Variants in SNTG1 observed in about 807,000 individuals in gnomAD.
The protein encoded by SNTG1 is gamma-1-syntrophin.
Under a neutral mutation model 74.7 loss-of-function variants are expected in SNTG1, and 39 were observed. That is an observed-to-expected ratio of 0.52 (90% CI 0.40 to 0.68). The LOEUF (loss-of-function observed/expected upper bound fraction) is 0.68. Among genes scored for constraint, SNTG1 ranks in the 30% least tolerant of loss-of-function variants. The pLI, the probability that SNTG1 is intolerant of heterozygous loss-of-function variation, is 0.00. For missense variants in SNTG1, 685 were observed against 609.5 expected, an observed-to-expected ratio of 1.12 and a Z score of -1.30; for synonymous variants, 254 against 217.1, an observed-to-expected ratio of 1.17 and a Z score of -1.49.
At chr8:50,570,135 T>G (rs139046314) in intron 12 of SNTG1, among the ~76,000 whole-genome samples, 10 of 152,026 alleles carry the variant, frequency 6.6e-5, no homozygotes, top group Non-Finnish European at 1.0e-4. Flanking sequence ...CAGCTGATTT[T>G]TATTTACCAC....
chr8:50,455,122 T>C (rs930189171), intron 8 of SNTG1, among the ~76,000 whole-genome samples: 2 of 152,186 alleles, frequency 1.3e-5, no homozygotes, highest in Non-Finnish European at 2.9e-5. Flanking sequence ...GAAATAATAG[T>C]AAATAAGATT....
At chr8:50,042,610 G>A (rs1399137621) in intron 1 of SNTG1, among the ~76,000 whole-genome samples, 2 of 152,134 alleles carry the variant, frequency 1.3e-5, no homozygotes, top group African/African-American at 4.8e-5. Flanking sequence ...TTGATGAAGT[G>A]CAGTGGTGTG....
intron 2 of SNTG1, among the ~76,000 whole-genome samples, chr8:50,338,925 T>A (rs560921282): frequency 6.6e-6 from 1 of 152,218 alleles, no homozygotes; most frequent in African/African-American, 2.4e-5. Context: ...AAACTTCAGA[T>A]ACTGGAATTT....
At chr8:50,638,515 T>A (rs750209358) in intron 13 of SNTG1, among the ~76,000 whole-genome samples, 1 of 152,134 alleles carries the variant, frequency 6.6e-6, no homozygotes, top group Non-Finnish European at 1.5e-5. Context: ...AAATTTTTTC[T>A]ATAGCACTGG....
At chr8:50,067,812 C>T (rs1196525710) in intron 1 of SNTG1, among the ~76,000 whole-genome samples, 1 of 152,140 alleles carries the variant, frequency 6.6e-6, no homozygotes, top group East Asian at 1.9e-4. Context: ...TGGAATGATG[C>T]AGTGCACACA....
intron 1 of SNTG1, among the ~76,000 whole-genome samples, chr8:49,927,314 A>C (rs1807116922): frequency 6.6e-6 from 1 of 152,188 alleles, no homozygotes; most frequent in Non-Finnish European, 1.5e-5. Context: ...ATTTATAGCA[A>C]CTTTATTCAT....
At chr8:50,465,417 G>A (rs1234467487) in intron 8 of SNTG1, among the ~76,000 whole-genome samples, 1 of 152,084 alleles carries the variant, frequency 6.6e-6, no homozygotes, top group Non-Finnish European at 1.5e-5. Flanking sequence ...GTCACATTCT[G>A]CATTTTGTCA....
chr8:50,252,957 A>C (rs4873140), intron 2 of SNTG1, among the ~76,000 whole-genome samples: 136,040 of 152,120 alleles, frequency 0.89, 62,288 homozygotes, highest in East Asian at 1. Flanking sequence ...GAGGGAAATG[A>C]AAATGAAAAC....
At chr8:50,093,391 T>C (rs2079812376) in intron 1 of SNTG1, among the ~76,000 whole-genome samples, 2 of 152,100 alleles carry the variant, frequency 1.3e-5, no homozygotes, top group Admixed American at 1.3e-4. Flanking sequence ...TACCTAATAT[T>C]ATAATATATT....
intron 11 of SNTG1, among the ~76,000 whole-genome samples, chr8:50,547,870 A>G (rs796592415): frequency 6.6e-6 from 1 of 152,172 alleles, no homozygotes; most frequent in South Asian, 2.1e-4. Context: ...TTTGCATGAC[A>G]ATGCTTTCTG....
intron 13 of SNTG1, among the ~76,000 whole-genome samples, chr8:50,606,890 A>G (rs1263308623): frequency 6.6e-6 from 1 of 151,728 alleles, no homozygotes; most frequent in Non-Finnish European, 1.5e-5. Context: ...GTATTGTTAG[A>G]TATGAAACCA....
At chr8:49,973,257 A>G (rs991547631) in intron 1 of SNTG1, among the ~76,000 whole-genome samples, 5 of 151,958 alleles carry the variant, frequency 3.3e-5, no homozygotes, top group East Asian at 3.9e-4. Context: ...GCAAACTATC[A>G]CAAGGACAAA....
At chr8:50,751,970 C>T (rs370997637) in intron 17 of SNTG1, 31 bp from the exon 18 acceptor site, 22 of 1,319,088 alleles carry the variant, frequency 1.7e-5, no homozygotes, top group Middle Eastern at 2.2e-4. Flanking sequence ...TTAATTCCAC[C>T]GACTTACATT....
chr8:49,983,632 C>A (rs1812880060), intron 1 of SNTG1, among the ~76,000 whole-genome samples: 1 of 152,174 alleles, frequency 6.6e-6, no homozygotes, highest in Non-Finnish European at 1.5e-5. Flanking sequence ...CCCTGGATAG[C>A]CCTGACTTAC....
At chr8:50,370,073 C>T (rs765762944) in intron 2 of SNTG1, among the ~76,000 whole-genome samples, 1 of 152,168 alleles carries the variant, frequency 6.6e-6, no homozygotes. Flanking sequence ...TATGTATATA[C>T]ATTTGAGCAT....
intron 2 of SNTG1, among the ~76,000 whole-genome samples, chr8:50,367,284 T>C (rs1017708224): frequency 2.6e-5 from 4 of 150,982 alleles, no homozygotes; most frequent in Non-Finnish European, 4.4e-5. Flanking sequence ...CACCAAGAAG[T>C]CTACCAAAGT....
At chr8:50,225,711 G>A (rs2085295287) in intron 2 of SNTG1, among the ~76,000 whole-genome samples, 1 of 152,126 alleles carries the variant, frequency 6.6e-6, no homozygotes. Context: ...AAAATAGGGA[G>A]GATTTTGAAT....
Position 50,214,371 on chromosome 8 carries a change from C to T in SNTG1, c.-28+41736C>T, listed in dbSNP as rs185555836. The stretch of plus-strand genomic sequence containing the variant: ...CATGTATACATATGTAACTAACCTG[C>T]ACATTATGCACATGTACCCTAAAAC... On this transcript the variant is annotated intron_variant, in intron 2 of 18. Coordinates refer to ENST00000642720, the MANE Select transcript of SNTG1 (RefSeq NM_018967.5). 2.4e-3 allele frequency among the ~76,000 whole-genome samples: 365 copies of T among 150,814 alleles called. 1 individual carries two copies. Among genetic ancestry groups the T allele is most frequent in the Non-Finnish European group, 4.7e-3 (315 of 67,706 alleles).
intron 2 of SNTG1, among the ~76,000 whole-genome samples, chr8:50,390,201 G>T (rs1180210372): frequency 6.6e-6 from 1 of 152,086 alleles, no homozygotes; most frequent in Non-Finnish European, 1.5e-5. Flanking sequence ...TTCTTCTAGG[G>T]TTTTTATAGT....
Sources: allele counts gnomAD v4.1 joint callset (sites outside exome capture counted in the v4.1 genomes callset), GRCh38; gene constraint gnomAD v4.1.1; transcripts MANE v1.5; gene names NCBI Gene and HGNC (gene_info 2026-07-23, HGNC 2026-07-21).